The following CA5A variants were observed in gnomAD, a reference collection of about 807,000 sequenced individuals.
The protein encoded by CA5A is carbonic anhydrase 5A, mitochondrial.
A neutral mutation model predicts 37.1 loss-of-function variants in CA5A; 28 were observed. That is an observed-to-expected ratio of 0.75 (90% CI 0.56 to 1.03). The LOEUF is 1.03. Among genes scored for constraint, CA5A ranks in the 50% least tolerant of loss-of-function variants. CA5A has a pLI of 0.00. For synonymous variants in CA5A, 171 were observed against 158.4 expected (o/e 1.08, Z -0.60); for missense variants, 444 against 399.9 (o/e 1.11, Z -0.94).
chr16:87,884,792 G>C (rs1187331892), downstream of CA5A: 1 of 152,026 alleles, frequency 6.6e-6, no homozygotes, highest in Non-Finnish European at 1.5e-5. Flanking sequence ...CAAGTAATAG[G>C]TAAAAAGAAA....
At chr16:87,891,736 G>A (rs757374993) in intron 6 of CA5A, 63 bp downstream of exon 6, 162 of 1,359,010 alleles carry the variant, frequency 1.2e-4, no homozygotes, top group Non-Finnish European at 1.5e-4. Context: ...TCTTAGTGAC[G>A]CTGCCAAGCA....
chr16:87,896,079 G>C (rs2143922865), intron 5 of CA5A, among the ~76,000 whole-genome samples: 1 of 152,338 alleles, frequency 6.6e-6, no homozygotes, highest in South Asian at 2.1e-4. Context: ...CACTTTCTGA[G>C]CAACTACTTC....
chr16:87,932,790 C>G (rs904578708), intron 1 of CA5A, among the ~76,000 whole-genome samples: 1 of 152,196 alleles, frequency 6.6e-6, no homozygotes, highest in Non-Finnish European at 1.5e-5. Context: ...TTCTCAGTCT[C>G]CAGGTTTGAT....
In CA5A at chr16:87,927,668, C is replaced by T. The variant is rs373496897; in HGVS notation, c.143-723G>A. Among the ~76,000 whole-genome samples the T allele has an allele frequency of 1.2e-4, 18 of 152,176 alleles. No homozygotes were observed. In the East Asian group the frequency reaches 1.4e-3, roughly 11 times the overall value. On this transcript the variant is annotated intron_variant, in intron 1 of 6. Transcript: ENST00000649794. ...TTGAGGTCAGGAGTTTGAGACCAGC[C>T]TGACCAACATGGCAAAACCCCATCA...
chr16:87,916,740 A>T (rs1323348646), intron 2 of CA5A, among the ~76,000 whole-genome samples: 2 of 152,160 alleles, frequency 1.3e-5, no homozygotes, highest in African/African-American at 4.8e-5. Context: ...CTTCCTCCCT[A>T]CAAAAGACCA....
chr16:87,883,636 T>C (rs2055626309), downstream of CA5A: 1 of 139,462 alleles, frequency 7.2e-6, no homozygotes, highest in Non-Finnish European at 1.5e-5. Context: ...GGCCTACTTT[T>C]CGTATTTTTT....
chr16:87,893,726 G>C, intron 5 of CA5A: 3 of 494,710 alleles, frequency 6.1e-6, no homozygotes, highest in South Asian at 4.8e-5. Context: ...GACATGGCCA[G>C]CTACCTCAGT....
intron 2 of CA5A, among the ~76,000 whole-genome samples, chr16:87,926,462 A>G (rs111383656): frequency 5.1e-4 from 78 of 152,356 alleles, no homozygotes; most frequent in African/African-American, 1.8e-3. Context: ...CACCCGCTGC[A>G]AGGCGAGCCC....
At chr16:87,893,683 C>T (rs1806217399) in intron 5 of CA5A, 1 of 551,854 alleles carries the variant, frequency 1.8e-6, no homozygotes, top group Non-Finnish European at 3.5e-6. Flanking sequence ...GGGTCAGCAA[C>T]CGAATTCCAG....
At chr16:87,934,158 C>A (rs1019608311) in intron 1 of CA5A, among the ~76,000 whole-genome samples, 1 of 152,272 alleles carries the variant, frequency 6.6e-6, no homozygotes, top group African/African-American at 2.4e-5. Context: ...CATGTGCTGT[C>A]CCCAGCCTTT....
rs563715246 is a variant in CA5A, at chr16:87,930,022, G to C, written c.143-3077C>G. 1.4e-3 allele frequency among the ~76,000 whole-genome samples: 216 copies of C among 152,256 alleles called. 2 individuals carry two copies. The highest frequency in any genetic ancestry group is 5.0e-3 in the African/African-American group (207 of 41,542). ...GTCAGTGTTAAAAAGCCCTATGGGA[G>C]ATAAAGGTGATGATAGATAGTAGGA... On this transcript the variant is annotated intron_variant, in intron 1 of 6. Coordinates refer to ENST00000649794, the MANE Select transcript of CA5A (RefSeq NM_001739.2).
intron 1 of CA5A, among the ~76,000 whole-genome samples, chr16:87,934,833 G>A (rs1236317359): frequency 3.9e-5 from 6 of 152,280 alleles, no homozygotes; most frequent in East Asian, 3.9e-4. Flanking sequence ...GGTGGCACAC[G>A]CCTGTAGTCC....
At chr16:87,914,730 G>T (rs907275564) in intron 2 of CA5A, among the ~76,000 whole-genome samples, 2 of 152,172 alleles carry the variant, frequency 1.3e-5, no homozygotes, top group East Asian at 1.9e-4. Flanking sequence ...CGGGAGCACC[G>T]GGCAGTCCAC....
intron 1 of CA5A, among the ~76,000 whole-genome samples, chr16:87,934,657 C>T (rs1322623786): frequency 6.6e-6 from 1 of 151,260 alleles, no homozygotes; most frequent in African/African-American, 2.4e-5. Context: ...TCTTGACGGT[C>T]GTACTAAGAA....
chr16:87,912,720 G>A (rs2056069102), intron 2 of CA5A, among the ~76,000 whole-genome samples: 1 of 152,216 alleles, frequency 6.6e-6, no homozygotes, highest in African/African-American at 2.4e-5. Context: ...TGCTTGGGAC[G>A]CCCAGGAGGG....
In CA5A at chr16:87,901,954, C is replaced by T. The variant is rs754005998; in HGVS notation, c.576G>A (p.Thr192=). The T allele has an allele frequency of 1.2e-5, 20 of 1,613,710 alleles. No homozygotes were observed. The highest frequency in any genetic ancestry group is 1.7e-4 in the Middle Eastern group (1 of 6,060). Reference sequence around the variant, plus strand: ...GCAAGATGTCCACCAGCCTCTGCAGCGTCTGATGATGGGCCCCGAGCTGCA... The same window carrying T: ...GCAAGATGTCCACCAGCCTCTGCAGTGTCTGATGATGGGCCCCGAGCTGCA... ...VFLKLGAHHQ[T]LQRLVDILPE... Residue 192 remains threonine (T), a synonymous_variant, in exon 5 of 7, where the codon ACG becomes ACA. Transcript: ENST00000649794.
At chr16:87,922,583 C>A (rs2056245818) in intron 2 of CA5A, among the ~76,000 whole-genome samples, 1 of 152,226 alleles carries the variant, frequency 6.6e-6, no homozygotes, top group Non-Finnish European at 1.5e-5. Context: ...TTTGTTCTTG[C>A]CCTGAGGGGT....
At chr16:87,926,651 A>G (rs2056315396) in intron 2 of CA5A, 97 bp downstream of exon 2, 1 of 938,582 alleles carries the variant, frequency 1.1e-6, no homozygotes. Context: ...GGAAAGCAGC[A>G]CCTTCCTGCT....
intron 2 of CA5A, among the ~76,000 whole-genome samples, chr16:87,909,527 G>C (rs1005555982): frequency 1.3e-5 from 2 of 152,258 alleles, no homozygotes; most frequent in African/African-American, 4.8e-5. Flanking sequence ...CTCGGGCTGG[G>C]CTGGAGCGGC....
Sources: allele counts gnomAD v4.1 joint callset (sites outside exome capture counted in the v4.1 genomes callset), GRCh38; gene constraint gnomAD v4.1.1; transcripts MANE v1.5; gene names NCBI Gene and HGNC (gene_info 2026-07-23, HGNC 2026-07-21).